Variants in MEF2A observed in about 807,000 individuals in gnomAD.
MEF2A encodes the protein myocyte-specific enhancer factor 2A.
A neutral mutation model predicts 55.8 loss-of-function variants in MEF2A; 28 were observed. The ratio of observed to expected loss-of-function variants is 0.50; its 90% confidence interval spans 0.37 to 0.69. The LOEUF is 0.69. Ranked by LOEUF, MEF2A falls within the 30% of genes least tolerant of loss-of-function variation. The pLI is 0.00. For synonymous variants in MEF2A, 239 were observed against 227.1 expected, an observed-to-expected ratio of 1.05 and a Z score of -0.47; for missense variants, 528 against 626.2, an observed-to-expected ratio of 0.84 and a Z score of 1.67.
In MEF2A at chr15:99,641,445, C is replaced by T. The variant is rs530241853; in HGVS notation, c.55-4116C>T. The stretch of plus-strand genomic sequence containing the variant: ...TGTTTTAAAAATTTGTCTTCTCGGC[C>T]GGGCGCGTTGGCTCACACCTGTAAT... On this transcript the variant is annotated intron_variant, in intron 3 of 11. Coordinates refer to ENST00000557942, the MANE Select transcript of MEF2A (RefSeq NM_001319206.4). Among the ~76,000 whole-genome samples the T allele has an allele frequency of 7.9e-5, 12 of 152,084 alleles. No homozygotes were observed. The East Asian group carries it at 1.4e-3, about 17-fold the overall frequency.
chr15:99,620,915 G>A (rs1050262530), intron 2 of MEF2A: 1 of 148,624 alleles, frequency 6.7e-6, no homozygotes, highest in Non-Finnish European at 1.5e-5. Flanking sequence ...GTGTGATCTC[G>A]GTTCACTGCA....
At chr15:99,669,429 A>G (rs2050422460) in intron 4 of MEF2A, among the ~76,000 whole-genome samples, 1 of 152,300 alleles carries the variant, frequency 6.6e-6, no homozygotes, top group Middle Eastern at 3.4e-3. Flanking sequence ...AGCTACTTGG[A>G]AAGATTTGGC....
chr15:99,667,216 TTTTA>T (rs370754403), intron 4 of MEF2A, among the ~76,000 whole-genome samples: 1 of 151,810 alleles, frequency 6.6e-6, no homozygotes, highest in South Asian at 2.1e-4. Flanking sequence ...GGTTTTTGGT[TTTTA>T]TTTATTTATT....
intron 1 of MEF2A, among the ~76,000 whole-genome samples, chr15:99,572,606 T>C (rs1035644637): frequency 2.0e-4 from 31 of 152,240 alleles, no homozygotes; most frequent in Non-Finnish European, 2.8e-4. Flanking sequence ...ATAGTAAATA[T>C]TTGATGCTTC....
At chr15:99,696,934 AT>A (rs2056561606) in intron 8 of MEF2A, among the ~76,000 whole-genome samples, 1 of 152,208 alleles carries the variant, frequency 6.6e-6, no homozygotes, top group South Asian at 2.1e-4. Context: ...TGAGCAATAT[AT>A]AAAAAGGATA....
intron 8 of MEF2A, among the ~76,000 whole-genome samples, chr15:99,698,178 G>C (rs1416835899): frequency 6.6e-6 from 1 of 152,186 alleles, no homozygotes; most frequent in South Asian, 2.1e-4. Flanking sequence ...AAAAACTGAT[G>C]TATTGGAGGT....
At chr15:99,572,387 A>G (rs1445908915) in intron 1 of MEF2A, among the ~76,000 whole-genome samples, 2 of 152,150 alleles carry the variant, frequency 1.3e-5, no homozygotes, top group African/African-American at 4.8e-5. Flanking sequence ...TGACCATCCT[A>G]TTTAATATTG....
intron 2 of MEF2A, among the ~76,000 whole-genome samples, chr15:99,620,290 C>A (rs1337820911): frequency 1.3e-5 from 2 of 152,078 alleles, no homozygotes; most frequent in Non-Finnish European, 2.9e-5. Flanking sequence ...ATTCATGTCA[C>A]CCAAATAATA....
At chr15:99,699,980 GTGTGTATATA>G (rs1283588423) in intron 8 of MEF2A, among the ~76,000 whole-genome samples, 23 of 99,106 alleles carry the variant, frequency 2.3e-4, no homozygotes, top group South Asian at 1.0e-3. Flanking sequence ...GTGTGTGTGT[GTGTGTATATA>G]TATATATATA....
At position 99,716,403 on chromosome 15, in the gene MEF2A, C is replaced by T. The variant is rs1168529714; in HGVS notation, c.*3632C>T. 1 of 408,100 alleles carries T rather than the reference C, an allele frequency of 2.5e-6. No homozygotes were observed. 25.3% of individuals were successfully genotyped at this position (408,100 alleles called of 1,614,324 possible). A position where few individuals can be genotyped will look rare whatever the true frequency, so the allele number is the denominator to read the frequency against. ...ATAAATATAATAGTGAACTTTTTAT[C>T]AAATGGTGAAGACAATGCTAAAGGT... On this transcript the variant is annotated 3_prime_UTR_variant, in exon 12 of 12. Transcript: ENST00000557942.
At chr15:99,621,334 T>C (rs1313709505) in intron 2 of MEF2A, among the ~76,000 whole-genome samples, 2 of 152,220 alleles carry the variant, frequency 1.3e-5, no homozygotes, top group African/African-American at 4.8e-5. Context: ...CTCTTTTGAT[T>C]GTGTTGGGAT....
chr15:99,669,768 T>G (rs190859775), intron 4 of MEF2A, among the ~76,000 whole-genome samples: 1 of 152,356 alleles, frequency 6.6e-6, no homozygotes, highest in East Asian at 1.9e-4. Flanking sequence ...TAATGTACTG[T>G]GCTTATGTTC....
chr15:99,653,951 GA>G (rs1479985016), intron 4 of MEF2A, among the ~76,000 whole-genome samples: 8 of 151,938 alleles, frequency 5.3e-5, no homozygotes, highest in Admixed American at 1.3e-4. Flanking sequence ...TTTATGCTCT[GA>G]AAAAAGAACG....
intron 8 of MEF2A, among the ~76,000 whole-genome samples, chr15:99,699,994 A>G (rs1336916199): frequency 1.4e-4 from 19 of 133,092 alleles, no homozygotes; most frequent in Middle Eastern, 4.2e-3. Context: ...GTATATATAT[A>G]TATATAATTT....
chr15:99,680,471 T>C (rs1317431547), intron 7 of MEF2A, among the ~76,000 whole-genome samples: 2 of 152,332 alleles, frequency 1.3e-5, no homozygotes, highest in African/African-American at 4.8e-5. Flanking sequence ...CATTGTAAAT[T>C]AGTAACAATC....
At position 99,674,487 on chromosome 15, in the gene MEF2A, T is replaced by C. The variant is rs764364084; in HGVS notation, c.485T>C (p.Val162Ala). ...LSYTNPGSSL[V>A]SPSLAASSTL... ...TACACTAACCCAGGGAGTTCACTGG[T>C]GTCCCCATCTTTGGCAGCCAGCTCA... Residue 162 changes from valine (V) to alanine (A), a missense_variant, in exon 6 of 12, where the codon GTG becomes GCG. By Grantham distance (64) the Val-to-Ala change is moderately conservative. Coordinates refer to ENST00000557942, the MANE Select transcript of MEF2A (RefSeq NM_001319206.4). 1 of 1,613,954 alleles carries C rather than the reference T, an allele frequency of 6.2e-7. No homozygotes were observed. Among genetic ancestry groups the C allele is most frequent in the Non-Finnish European group, 8.5e-7 (1 of 1,179,872 alleles).
intron 2 of MEF2A, among the ~76,000 whole-genome samples, chr15:99,626,078 T>A (rs2042000170): frequency 6.6e-6 from 1 of 152,190 alleles, no homozygotes; most frequent in South Asian, 2.1e-4. Context: ...AGCCATTGAG[T>A]CTAAAGCTTT....
intron 4 of MEF2A, among the ~76,000 whole-genome samples, chr15:99,661,535 A>G (rs1304596513): frequency 6.6e-6 from 1 of 152,024 alleles, no homozygotes; most frequent in Non-Finnish European, 1.5e-5. Flanking sequence ...TAAAAGAACT[A>G]CTATAAAACA....
Position 99,671,341 on chromosome 15 carries a change from C to G in MEF2A, c.277C>G (p.Leu93Val), listed in dbSNP as rs1476309226. Residue 93 changes from leucine to valine, a missense_variant, in exon 5 of 12, where the codon CTT becomes GTT. Physicochemically the swap from Leu to Val is conservative, Grantham distance 32. Coordinates refer to ENST00000557942, the MANE Select transcript of MEF2A (RefSeq NM_001319206.4). ...ATTTCAGACTTTAAGAAAGAAAGGC[C>G]TTAATGGTTGTGAGAGCCCTGATGC... ...DIVETLRKKGLNGCESPDADD... is the reference protein window; with the variant it reads ...DIVETLRKKGVNGCESPDADD... The G allele has an allele frequency of 1.2e-6, 2 of 1,610,572 alleles. No homozygotes were observed. Among genetic ancestry groups the G allele is most frequent in the Non-Finnish European group, 1.7e-6 (2 of 1,177,440 alleles).
Sources: allele counts gnomAD v4.1 joint callset (sites outside exome capture counted in the v4.1 genomes callset), GRCh38; gene constraint gnomAD v4.1.1; transcripts MANE v1.5; gene names NCBI Gene and HGNC (gene_info 2026-07-23, HGNC 2026-07-21).